The following TNC variants were observed in gnomAD, a reference collection of about 807,000 sequenced individuals.
TNC encodes the protein tenascin.
TNC carries 109 observed loss-of-function variants against 202.4 expected under a neutral mutation model. The observed-to-expected ratio is 0.54, with a 90% CI of 0.46 to 0.63. The LOEUF is 0.63. Ranked by LOEUF, TNC falls within the 30% of genes least tolerant of loss-of-function variation. The pLI is 0.00. For synonymous variants in TNC, 1,007 were observed against 1,089.7 expected (o/e 0.92, Z 1.50); for missense variants, 2,756 against 2,833.3 (o/e 0.97, Z 0.62).
intron 1 of TNC, among the ~76,000 whole-genome samples, chr9:115,104,564 G>T (rs1449682316): frequency 6.6e-6 from 1 of 152,168 alleles, no homozygotes; most frequent in Non-Finnish European, 1.5e-5. Context: ...TATACCTTCT[G>T]AATTGTGGCT....
chr9:115,101,138 T>C (rs1343061612), intron 1 of TNC, among the ~76,000 whole-genome samples: 1 of 152,218 alleles, frequency 6.6e-6, no homozygotes, highest in African/African-American at 2.4e-5. Context: ...GTATAAACGA[T>C]ACAACACCAA....
At chr9:115,024,913 A>G (rs1031927980) in intron 26 of TNC, among the ~76,000 whole-genome samples, 10 of 152,222 alleles carry the variant, frequency 6.6e-5, no homozygotes, top group African/African-American at 2.4e-4. Context: ...GTGCACAAAC[A>G]TTTCAAGACT....
chr9:115,024,545 A>G (rs1829329130), intron 26 of TNC, among the ~76,000 whole-genome samples: 1 of 152,218 alleles, frequency 6.6e-6, no homozygotes, highest in Admixed American at 6.5e-5. Flanking sequence ...GTGGCATGGC[A>G]TACAAATACT....
chr9:115,064,299 CAGT>C (rs978350599), intron 11 of TNC, among the ~76,000 whole-genome samples: 1 of 152,168 alleles, frequency 6.6e-6, no homozygotes, highest in African/African-American at 2.4e-5. Flanking sequence ...CCTTAACCCT[CAGT>C]AGATGAGAGA....
intron 1 of TNC, among the ~76,000 whole-genome samples, chr9:115,095,473 T>C: frequency 1.7e-5 from 1 of 58,518 alleles, no homozygotes; most frequent in Admixed American, 2.8e-4. Flanking sequence ...TATATATGTA[T>C]ATATATGTAT....
rs1371039250 is a variant in TNC at position 115,042,355 on chromosome 9, A to G, written c.5126-14T>C. ...GGGAGCCCATGGCTGTCAAGAAGAA[A>G]GCACAAGAGAAGCCCAGAAACAGTT... On this transcript the variant is annotated splice_polypyrimidine_tract_variant and intron_variant, in intron 17 of 27. Coordinates refer to ENST00000350763, the MANE Select transcript of TNC (RefSeq NM_002160.4). The G allele has an allele frequency of 5.0e-6, 8 of 1,613,504 alleles. No homozygotes were observed. The highest frequency in any genetic ancestry group is 6.8e-6 in the Non-Finnish European group (8 of 1,179,758).
At chr9:115,115,812 G>A (rs1366577794) in intron 1 of TNC, among the ~76,000 whole-genome samples, 4 of 152,166 alleles carry the variant, frequency 2.6e-5, no homozygotes, top group Admixed American at 2.6e-4. Flanking sequence ...GAGGCTAAGA[G>A]CAAAGGTGTA....
At chr9:115,052,775 T>A (rs541986908) in intron 15 of TNC, 103 of 702,568 alleles carry the variant, frequency 1.5e-4, no homozygotes, top group South Asian at 1.4e-3. Flanking sequence ...TCTGGTGGGA[T>A]CCCCAGCCAA....
At chr9:115,037,570 C>G (rs1438493597) in intron 20 of TNC, among the ~76,000 whole-genome samples, 1 of 152,152 alleles carries the variant, frequency 6.6e-6, no homozygotes, top group African/African-American at 2.4e-5. Context: ...CTCTCTCACC[C>G]AGGCTGGAGT....
At chr9:115,038,979 C>A (rs1183645898) in intron 19 of TNC, among the ~76,000 whole-genome samples, 2 of 152,164 alleles carry the variant, frequency 1.3e-5, no homozygotes, top group African/African-American at 4.8e-5. Flanking sequence ...AGGTGTGCAC[C>A]ACCAAGCCCA....
At position 115,087,004 on chromosome 9, in the gene TNC, C is replaced by T. The variant is rs138326054; in HGVS notation, c.727G>A (p.Ala243Thr). Residue 243 changes from alanine (A) to threonine (T), a missense_variant, in exon 3 of 28, where the codon GCC becomes ACC. Around this residue, in one of 2 missense-constraint regions of TNC, gnomAD observed 2,559 missense variants for 2,546.0 expected, o/e 1.01. Coordinates refer to ENST00000350763, the MANE Select transcript of TNC (RefSeq NM_002160.4). ...NGVCICFEGY[A>T]GADCSREICP... ...ATTTCACGGCTGCAGTCAGCCCCGG[C>T]GTAGCCTTCGAAACAGATGCAGACT... 2.9e-5 allele frequency: 47 copies of T among 1,613,388 alleles called. No individual in the cohort carries two copies. The highest frequency in any genetic ancestry group is 6.6e-5 in the South Asian group (6 of 91,062).
chr9:115,027,033 C>G (rs1378629016), intron 25 of TNC, among the ~76,000 whole-genome samples: 1 of 151,130 alleles, frequency 6.6e-6, no homozygotes. Flanking sequence ...CGCTTGAACC[C>G]GAGAGGCAGA....
intron 15 of TNC, among the ~76,000 whole-genome samples, chr9:115,050,483 C>T (rs1156511983): frequency 6.6e-6 from 1 of 152,080 alleles, no homozygotes; most frequent in African/African-American, 2.4e-5. Context: ...GTCTCAGTCC[C>T]TTAAGAAATT....
chr9:115,044,249 G>A (rs1320074938), intron 17 of TNC, among the ~76,000 whole-genome samples: 1 of 144,448 alleles, frequency 6.9e-6, no homozygotes, highest in Non-Finnish European at 1.5e-5. Flanking sequence ...GAAGAGAGGA[G>A]AGGAGAAAGG....
chr9:115,086,479 A>AGCGGCCATGGCCACT lies in TNC; in HGVS notation c.1237_1251dup (p.Ser413_Arg417dup). The AGCGGCCATGGCCACT allele has an allele frequency of 6.2e-7, 1 of 1,613,956 alleles. No individual in the cohort carries two copies. The highest frequency in any genetic ancestry group is 8.5e-7 in the Non-Finnish European group (1 of 1,180,036). Reference sequence around the variant, plus strand: ...TCACACACACACTGCCCATTGACACAGCGGCCATGGCCACTGCAGCCATTG... The same window carrying AGCGGCCATGGCCACT: ...TCACACACACACTGCCCATTGACACAGCGGCCATGGCCACTGCGGCCATGGCCACTGCAGCCATTG... On this transcript the variant is annotated inframe_insertion, in exon 3 of 28. Coordinates refer to ENST00000350763, the MANE Select transcript of TNC (RefSeq NM_002160.4).
chr9:115,092,855 G>A (rs1835337123), intron 1 of TNC, among the ~76,000 whole-genome samples: 1 of 151,900 alleles, frequency 6.6e-6, no homozygotes, highest in African/African-American at 2.4e-5. Context: ...CAAAGTGCTA[G>A]GATTACAGGC....
At chr9:115,036,328 C>A (rs370065718) in intron 20 of TNC, 87 bp from the exon 21 acceptor site, 3 of 1,449,626 alleles carry the variant, frequency 2.1e-6, no homozygotes, top group Middle Eastern at 2.1e-4. Flanking sequence ...ACACCTCCTT[C>A]GAACATCGAA....
intron 1 of TNC, among the ~76,000 whole-genome samples, chr9:115,097,988 G>A (rs1325086695): frequency 6.6e-6 from 1 of 152,140 alleles, no homozygotes; most frequent in Non-Finnish European, 1.5e-5. Flanking sequence ...AGAAGGCTGG[G>A]TAGAATATAG....
At chr9:115,052,098 A>T (rs1470107608) in intron 15 of TNC, among the ~76,000 whole-genome samples, 1 of 150,036 alleles carries the variant, frequency 6.7e-6, no homozygotes, top group African/African-American at 2.4e-5. Flanking sequence ...ATATATACAC[A>T]TATATATATA....
Sources: gnomAD v4.1 joint callset for allele counts (sites outside exome capture counted in the v4.1 genomes callset) on GRCh38, gnomAD v4.1.1 for gene constraint, gnomAD v4.1.1 regional missense constraint, MANE v1.5 for transcripts, NCBI Gene and HGNC (gene_info 2026-07-23, HGNC 2026-07-21) for gene names.